Variants in PLAAT1 observed in about 807,000 individuals in gnomAD.
PLAAT1 encodes the protein H-REV107 protein-related protein.
PLAAT1 carries 13 observed loss-of-function variants against 16.4 expected under a neutral mutation model. The ratio of observed to expected loss-of-function variants is 0.79; its 90% CI spans 0.52 to 1.26. The LOEUF (loss-of-function observed/expected upper bound fraction) is 1.26. PLAAT1 is among the 50% of genes most tolerant of loss of function. The pLI, the probability that PLAAT1 is intolerant of heterozygous loss-of-function variation, is 0.00. For missense variants in PLAAT1, 218 were observed against 207.8 expected (o/e 1.05, Z -0.30); for synonymous variants, 73 against 78.4 (o/e 0.93, Z 0.36).
At chr3:193,271,147 T>C (rs901912817), downstream of PLAAT1, among the ~76,000 whole-genome samples, 3 of 152,216 alleles carry the variant, frequency 2.0e-5, no homozygotes, top group Non-Finnish European at 4.4e-5. Context: ...CTGGGAAATT[T>C]AGCATTTTGG....
intron 3 of PLAAT1, 34 bp from the exon 4 acceptor site, chr3:193,270,570 A>T: frequency 1.9e-6 from 3 of 1,597,806 alleles, no homozygotes; most frequent in South Asian, 2.3e-5. Flanking sequence ...TTAGAATATG[A>T]TGTGTTTTTT....
downstream of PLAAT1, among the ~76,000 whole-genome samples, chr3:193,271,045 A>G (rs1408347949): frequency 1.3e-5 from 2 of 152,330 alleles, no homozygotes; most frequent in East Asian, 1.9e-4. Context: ...ATGAAAGACT[A>G]TTTATATATG....
At chr3:193,253,166 A>G (rs896044856) in intron 1 of PLAAT1, among the ~76,000 whole-genome samples, 7 of 152,178 alleles carry the variant, frequency 4.6e-5, no homozygotes, top group African/African-American at 1.7e-4. Context: ...CTAAGTGTTC[A>G]GTATCATAAC....
At chr3:193,277,424 G>A (rs1036898659) in intron 2 of PLAAT1, among the ~76,000 whole-genome samples, 3 of 152,004 alleles carry the variant, frequency 2.0e-5, no homozygotes, top group Non-Finnish European at 2.9e-5. Flanking sequence ...AACTTCCCAC[G>A]GCTGCATCCA....
intron 1 of PLAAT1, among the ~76,000 whole-genome samples, chr3:193,252,170 C>T (rs1278298955): frequency 4.6e-5 from 7 of 152,106 alleles, no homozygotes; most frequent in East Asian, 1.9e-4. Context: ...CAGGTGTACT[C>T]GATGAGAATG....
At chr3:193,242,079 T>C (rs1208593044) in intron 1 of PLAAT1, among the ~76,000 whole-genome samples, 1 of 151,868 alleles carries the variant, frequency 6.6e-6, no homozygotes, top group Non-Finnish European at 1.5e-5. Flanking sequence ...CAACACAAAT[T>C]TGTAAATGTT....
intron 2 of PLAAT1, among the ~76,000 whole-genome samples, chr3:193,259,505 A>T (rs1368116235): frequency 6.6e-6 from 1 of 152,192 alleles, no homozygotes; most frequent in Admixed American, 6.5e-5. Context: ...AGCCTCCTGG[A>T]ACTGATAAAC....
chr3:193,252,605 A>G (rs1031788186), intron 1 of PLAAT1, among the ~76,000 whole-genome samples: 3 of 152,182 alleles, frequency 2.0e-5, no homozygotes, highest in Non-Finnish European at 4.4e-5. Context: ...TACTTTTGGT[A>G]TCAAGTCTGG....
chr3:193,255,835 C>G, intron 2 of PLAAT1, 46 bp downstream of exon 2: 1 of 1,473,004 alleles, frequency 6.8e-7, no homozygotes, highest in Non-Finnish European at 9.1e-7. Flanking sequence ...TTTTAGTGTT[C>G]TTGTTACAGG....
At chr3:193,250,013 T>C (rs1716133940) in intron 1 of PLAAT1, among the ~76,000 whole-genome samples, 1 of 152,130 alleles carries the variant, frequency 6.6e-6, no homozygotes, top group South Asian at 2.1e-4. Flanking sequence ...TATCTTGTTA[T>C]TTTATTTGGA....
intron 1 of PLAAT1, among the ~76,000 whole-genome samples, chr3:193,242,884 T>C (rs1715828061): frequency 6.6e-6 from 1 of 152,208 alleles, no homozygotes; most frequent in Non-Finnish European, 1.5e-5. Context: ...TAGCCTGTGA[T>C]CACCTGCGAT....
At chr3:193,254,573 A>G (rs892211253) in intron 1 of PLAAT1, among the ~76,000 whole-genome samples, 1 of 152,154 alleles carries the variant, frequency 6.6e-6, no homozygotes, top group Admixed American at 6.5e-5. Flanking sequence ...ATAACCTTTC[A>G]TAAGAATCAA....
At chr3:193,276,922 ACT>A (rs1717244262) in intron 2 of PLAAT1, 1 of 967,498 alleles carries the variant, frequency 1.0e-6, no homozygotes, top group East Asian at 2.7e-5. Flanking sequence ...ATTTGTAATA[ACT>A]CTCTGAGCTT....
At chr3:193,242,783 T>A (rs963063187) in intron 1 of PLAAT1, among the ~76,000 whole-genome samples, 1 of 152,124 alleles carries the variant, frequency 6.6e-6, no homozygotes, top group African/African-American at 2.4e-5. Flanking sequence ...CAGGGCTTCA[T>A]GGAAACATCA....
intron 1 of PLAAT1, among the ~76,000 whole-genome samples, chr3:193,249,047 C>T (rs1276002015): frequency 6.6e-6 from 1 of 151,988 alleles, no homozygotes; most frequent in Admixed American, 6.6e-5. Context: ...TTAAAGCTCC[C>T]CTTCTTCTCT....
At chr3:193,252,251 A>T (rs1716219849) in intron 1 of PLAAT1, among the ~76,000 whole-genome samples, 1 of 152,134 alleles carries the variant, frequency 6.6e-6, no homozygotes, top group Non-Finnish European at 1.5e-5. Flanking sequence ...AGTCATCACC[A>T]AGGGGTTGGC....
At chr3:193,281,210 C>T (rs151053232), downstream of PLAAT1, 1,384 of 985,310 alleles carry the variant, frequency 1.4e-3, 21 homozygotes, top group African/African-American at 0.022. Context: ...GTCCCAGGAA[C>T]GCAGAAGCTG....
At chr3:193,277,928 C>A (rs1250414782), downstream of PLAAT1, among the ~76,000 whole-genome samples, 1 of 152,168 alleles carries the variant, frequency 6.6e-6, no homozygotes, top group Non-Finnish European at 1.5e-5. Context: ...CTCAGCCTCC[C>A]AAGTAGCTGG....
downstream of PLAAT1, among the ~76,000 whole-genome samples, chr3:193,280,784 G>T (rs1717454431): frequency 6.6e-6 from 1 of 152,116 alleles, no homozygotes; most frequent in Non-Finnish European, 1.5e-5. Flanking sequence ...GCATTGCCAT[G>T]ATACAAATGA....
Sources: gnomAD v4.1 joint callset for allele counts (sites outside exome capture counted in the v4.1 genomes callset) on GRCh38, gnomAD v4.1.1 for gene constraint, MANE v1.5 for transcripts, NCBI Gene and HGNC (gene_info 2026-07-23, HGNC 2026-07-21) for gene names.